Variants in ZNF385B observed in about 807,000 individuals in gnomAD.
ZNF385B encodes the protein zinc finger protein 533.
Under a neutral mutation model 39.2 loss-of-function variants are expected in ZNF385B, and 23 were observed. That is an observed-to-expected ratio of 0.59 (90% confidence interval 0.42 to 0.83). The LOEUF (loss-of-function observed/expected upper bound fraction) is 0.83. Among genes scored for constraint, ZNF385B ranks in the 40% least tolerant of loss-of-function variants. The pLI, the probability that ZNF385B is intolerant of heterozygous loss-of-function variation, is 0.00. For missense variants in ZNF385B, 552 were observed against 598.9 expected (o/e 0.92, Z 0.82); for synonymous variants, 205 against 222.6 (o/e 0.92, Z 0.70).
chr2:179,835,994 C>A (rs914235073), intron 1 of ZNF385B, among the ~76,000 whole-genome samples: 1 of 152,138 alleles, frequency 6.6e-6, no homozygotes, highest in African/African-American at 2.4e-5. Context: ...GTGATACATA[C>A]ATACAATGGA....
intron 6 of ZNF385B, among the ~76,000 whole-genome samples, chr2:179,464,024 CT>C: frequency 6.6e-6 from 1 of 152,160 alleles, no homozygotes; most frequent in Non-Finnish European, 1.5e-5. Context: ...TGTTTCCTGA[CT>C]TTTTAATGAT....
chr2:179,507,421 A>C (rs1467818971), intron 5 of ZNF385B, among the ~76,000 whole-genome samples: 1 of 152,168 alleles, frequency 6.6e-6, no homozygotes, highest in Admixed American at 6.5e-5. Context: ...TCCACCAGGA[A>C]CCTTTGTGCA....
At position 179,800,228 on chromosome 2, in the gene ZNF385B, T is replaced by A. The variant is rs183461496; in HGVS notation, c.-154-29556A>T. ...AAAATAAAACAATGAAATTAATCAT[T>A]TTTTGAAAATATTTTAAACAGGCAT... On this transcript the variant is annotated intron_variant, in intron 1 of 9. Coordinates refer to ENST00000410066, the MANE Select transcript of ZNF385B (RefSeq NM_152520.6). Among the ~76,000 whole-genome samples the A allele has an allele frequency of 2.5e-3, 386 of 152,186 alleles. 1 individual carries two copies. Among genetic ancestry groups the A allele is most frequent in the African/African-American group, 9.0e-3 (372 of 41,560 alleles).
intron 1 of ZNF385B, among the ~76,000 whole-genome samples, chr2:179,858,119 C>G (rs559711012): frequency 1.3e-5 from 2 of 152,062 alleles, no homozygotes; most frequent in South Asian, 2.1e-4. Context: ...CCTCTAGAAA[C>G]AGATAAGAAG....
At chr2:179,443,517 T>G (rs2049166097) in intron 9 of ZNF385B, 49 bp from the exon 10 acceptor site, 1 of 1,392,894 alleles carries the variant, frequency 7.2e-7, no homozygotes, top group Middle Eastern at 2.0e-4. Flanking sequence ...TGTTTTTGAA[T>G]AACAGCACCA....
chr2:179,757,948 C>T lies in ZNF385B; in HGVS notation c.298+11555G>A, dbSNP rs534261900. On this transcript the variant is annotated intron_variant, in intron 3 of 9. Coordinates refer to ENST00000410066, the MANE Select transcript of ZNF385B (RefSeq NM_152520.6). ...GCCTCACCCTGCTTTGGCTCACGCT[C>T]GGTGGGCTGCACTCACTGTCCCGCA... is the stretch of plus-strand genomic sequence containing the variant. Among the ~76,000 whole-genome samples, 534 of 152,234 alleles carry T rather than the reference C, an allele frequency of 3.5e-3. 9 individuals are homozygous for T. The highest frequency in any genetic ancestry group is 0.012 in the African/African-American group (507 of 41,542).
chr2:179,687,889 C>T (rs1403894290), intron 3 of ZNF385B, among the ~76,000 whole-genome samples: 1 of 152,338 alleles, frequency 6.6e-6, no homozygotes, highest in East Asian at 1.9e-4. Flanking sequence ...TACTATATTG[C>T]TATTATTCAT....
At chr2:179,694,004 C>G (rs868419800) in intron 3 of ZNF385B, among the ~76,000 whole-genome samples, 1 of 152,038 alleles carries the variant, frequency 6.6e-6, no homozygotes, top group South Asian at 2.1e-4. Context: ...TTATATGAAG[C>G]CTGAAAATAC....
intron 3 of ZNF385B, among the ~76,000 whole-genome samples, chr2:179,648,090 G>T (rs983740110): frequency 1.3e-5 from 2 of 152,104 alleles, no homozygotes; most frequent in Non-Finnish European, 1.5e-5. Flanking sequence ...GGGGCAACCC[G>T]AGTGGAGTGA....
At chr2:179,449,266 A>G (rs1336166721) in intron 6 of ZNF385B, among the ~76,000 whole-genome samples, 1 of 152,078 alleles carries the variant, frequency 6.6e-6, no homozygotes, top group East Asian at 1.9e-4. Context: ...AGAATGAGAC[A>G]TTTTTCATTA....
chr2:179,810,990 A>T (rs1490635050), intron 1 of ZNF385B, among the ~76,000 whole-genome samples: 2 of 152,200 alleles, frequency 1.3e-5, no homozygotes, highest in South Asian at 4.1e-4. Flanking sequence ...TAGAAAAATC[A>T]GTAGCATTTC....
intron 1 of ZNF385B, among the ~76,000 whole-genome samples, chr2:179,855,562 G>T (rs1684525835): frequency 6.6e-6 from 1 of 152,118 alleles, no homozygotes; most frequent in Admixed American, 6.5e-5. Flanking sequence ...AAGCAAAAGG[G>T]CAATTGTTTT....
intron 3 of ZNF385B, among the ~76,000 whole-genome samples, chr2:179,595,277 G>C (rs919127412): frequency 6.6e-6 from 1 of 152,036 alleles, no homozygotes; most frequent in South Asian, 2.1e-4. Flanking sequence ...GCTTTCTAAG[G>C]CCTTTTTAAT....
intron 3 of ZNF385B, among the ~76,000 whole-genome samples, chr2:179,600,518 A>G (rs1254800527): frequency 6.6e-6 from 1 of 152,206 alleles, no homozygotes; most frequent in Non-Finnish European, 1.5e-5. Flanking sequence ...AGCTACTCCA[A>G]ATGAGAAAAT....
At chr2:179,545,854 A>C (rs1441874706) in intron 3 of ZNF385B, among the ~76,000 whole-genome samples, 1 of 152,066 alleles carries the variant, frequency 6.6e-6, no homozygotes, top group Non-Finnish European at 1.5e-5. Context: ...AGGGTAAATG[A>C]AGTATCCATC....
intron 3 of ZNF385B, among the ~76,000 whole-genome samples, chr2:179,764,664 C>T (rs1703588287): frequency 6.6e-6 from 1 of 152,118 alleles, no homozygotes; most frequent in Non-Finnish European, 1.5e-5. Flanking sequence ...TGACTTATGG[C>T]AGACAATTTA....
intron 3 of ZNF385B, among the ~76,000 whole-genome samples, chr2:179,614,577 A>G (rs745309882): frequency 6.6e-6 from 1 of 152,220 alleles, no homozygotes; most frequent in Non-Finnish European, 1.5e-5. Flanking sequence ...CTCCAGTATC[A>G]AGGAGGTAAA....
chr2:179,753,584 C>T (rs539533708), intron 3 of ZNF385B, among the ~76,000 whole-genome samples: 2 of 152,254 alleles, frequency 1.3e-5, no homozygotes, highest in South Asian at 4.1e-4. Context: ...GGAATTCTTC[C>T]ATTTGTTTGT....
At chr2:179,655,812 C>T (rs934195331) in intron 3 of ZNF385B, among the ~76,000 whole-genome samples, 2 of 152,070 alleles carry the variant, frequency 1.3e-5, no homozygotes, top group Non-Finnish European at 2.9e-5. Flanking sequence ...ACATTCGAGG[C>T]AAAAGTGATG....
Sources: gnomAD v4.1 joint callset for allele counts (sites outside exome capture counted in the v4.1 genomes callset) on GRCh38, gnomAD v4.1.1 for gene constraint, MANE v1.5 for transcripts, NCBI Gene and HGNC (gene_info 2026-07-23, HGNC 2026-07-21) for gene names.